Variants in DUSP14 observed in about 807,000 individuals in gnomAD.
The protein encoded by DUSP14 is dual specificity phosphatase 14.
DUSP14 carries 5 observed loss-of-function variants against 13.2 expected under a neutral mutation model. The ratio of observed to expected loss-of-function variants is 0.38; its 90% CI spans 0.20 to 0.80. The LOEUF (loss-of-function observed/expected upper bound fraction) is 0.80. Ranked by LOEUF, DUSP14 falls within the 30% of genes least tolerant of loss-of-function variation. DUSP14 has a pLI of 0.44. For missense variants in DUSP14, 185 were observed against 264.0 expected (o/e 0.70, Z 2.07); for synonymous variants, 91 against 103.4 (o/e 0.88, Z 0.73).
At chr17:37,494,132 C>T (rs2054048106) in intron 1 of DUSP14, among the ~76,000 whole-genome samples, 1 of 151,740 alleles carries the variant, frequency 6.6e-6, no homozygotes, top group African/African-American at 2.4e-5. Context: ...TAGCTGGGAC[C>T]ACAGGTGCCC....
chr17:37,489,822 G>T (rs1177477215), upstream of DUSP14: 1 of 147,124 alleles, frequency 6.8e-6, no homozygotes, highest in Non-Finnish European at 1.5e-5. Flanking sequence ...CAGGCGCAGG[G>T]AGCGTGCGCG....
At position 37,512,405 on chromosome 17, in the gene DUSP14, C is replaced by T. The variant is rs765613978; in HGVS notation, c.133C>T (p.Arg45Trp). The T allele has an allele frequency of 7.4e-6, 12 of 1,614,024 alleles. No homozygotes were observed. The highest frequency in any genetic ancestry group is 2.7e-5 in the African/African-American group (2 of 74,918). ...FLGRGSVASN[R>W]HLLQARGITC... is the part of the protein sequence containing the mutation. ...GGGCAGAGGCAGTGTGGCCTCCAAT[C>T]GGCACCTCCTCCAGGCTCGTGGCAT... The change falls in exon 3 of 3, where the codon CGG (arginine) becomes TGG (tryptophan). Residue 45 changes from arginine to tryptophan, a missense_variant. Transcript: ENST00000617516. This position sits in a 1 kb window ranked among gnomAD's most constrained non-coding sequence, Gnocchi z 4.8.
chr17:37,502,910 G>A (rs1030083183), intron 1 of DUSP14, among the ~76,000 whole-genome samples: 10 of 152,144 alleles, frequency 6.6e-5, no homozygotes, highest in Non-Finnish European at 8.8e-5. Flanking sequence ...TCGTTCTGTC[G>A]CCTAGGTTGG....
At chr17:37,491,126 C>T (rs1163359543) in intron 1 of DUSP14, among the ~76,000 whole-genome samples, 1 of 152,182 alleles carries the variant, frequency 6.6e-6, no homozygotes, top group Non-Finnish European at 1.5e-5. Context: ...TCTCTAAAAC[C>T]AGGGGAACAA....
chr17:37,494,021 T>TCTCA (rs1179251574), intron 1 of DUSP14, among the ~76,000 whole-genome samples: 3 of 146,472 alleles, frequency 2.0e-5, no homozygotes, highest in Non-Finnish European at 4.5e-5. Flanking sequence ...TGAGACAGAG[T>TCTCA]CTCACTCTGT....
At chr17:37,508,749 A>ATG (rs887708375) in intron 1 of DUSP14, among the ~76,000 whole-genome samples, 12 of 148,028 alleles carry the variant, frequency 8.1e-5, no homozygotes, top group African/African-American at 3.0e-4. Flanking sequence ...ATATATATAT[A>ATG]TATGTATGTA....
chr17:37,509,966 A>G (rs1313453938), intron 1 of DUSP14: 2 of 152,210 alleles, frequency 1.3e-5, no homozygotes, highest in Non-Finnish European at 2.9e-5. Flanking sequence ...AGGTGGTAGA[A>G]GAACACATTT....
intron 1 of DUSP14, among the ~76,000 whole-genome samples, chr17:37,492,305 T>C (rs755046363): frequency 6.6e-6 from 1 of 151,726 alleles, no homozygotes; most frequent in Admixed American, 6.6e-5. Context: ...TCAAAGGGAG[T>C]GGAAGACAGG....
At chr17:37,505,886 G>A (rs545246404) in intron 1 of DUSP14, among the ~76,000 whole-genome samples, 1 of 152,236 alleles carries the variant, frequency 6.6e-6, no homozygotes, top group East Asian at 1.9e-4. Context: ...CCGCTGGGAA[G>A]ACACTAATCT....
chr17:37,497,798 C>T (rs958076981), intron 1 of DUSP14, among the ~76,000 whole-genome samples: 1 of 151,488 alleles, frequency 6.6e-6, no homozygotes, highest in Non-Finnish European at 1.5e-5. Flanking sequence ...GCCTACAATC[C>T]CAGCACTTTG....
rs993583159 is a variant in DUSP14 at position 37,496,626 on chromosome 17, C to G, written c.-181+6668C>G. Reference sequence around the variant, plus strand: ...AAAATTAGCCGGGAGTGGTCGTGGGCCCCTGTAATCCCAGCTACTCCAGAG... The same window carrying G: ...AAAATTAGCCGGGAGTGGTCGTGGGGCCCTGTAATCCCAGCTACTCCAGAG... On this transcript the variant is annotated intron_variant, in intron 1 of 2. Coordinates refer to ENST00000617516, the MANE Select transcript of DUSP14 (RefSeq NM_007026.4). 2.0e-5 allele frequency among the ~76,000 whole-genome samples: 3 copies of G among 152,070 alleles called. No homozygotes were observed. The South Asian group carries it at 6.2e-4, about 32-fold the overall frequency.
At chr17:37,496,199 A>G (rs2054063981) in intron 1 of DUSP14, among the ~76,000 whole-genome samples, 1 of 152,254 alleles carries the variant, frequency 6.6e-6, no homozygotes, top group Non-Finnish European at 1.5e-5. Context: ...GCTCCTATAT[A>G]AAGAGCACTG....
At chr17:37,503,393 TC>T (rs2054117619) in intron 1 of DUSP14, among the ~76,000 whole-genome samples, 1 of 152,176 alleles carries the variant, frequency 6.6e-6, no homozygotes, top group Non-Finnish European at 1.5e-5. Context: ...ACCACTGCAC[TC>T]CAGCCTGGGC....
At chr17:37,491,607 T>A (rs755975704) in intron 1 of DUSP14, 14 of 152,216 alleles carry the variant, frequency 9.2e-5, no homozygotes, top group Admixed American at 5.2e-4. Context: ...ATCTGAAAGC[T>A]TTCATATCGG....
chr17:37,509,221 ATATATACACAC>A (rs2054161911), intron 1 of DUSP14, among the ~76,000 whole-genome samples: 1 of 106,398 alleles, frequency 9.4e-6, no homozygotes, highest in Non-Finnish European at 2.0e-5. Flanking sequence ...TATATACACT[ATATATACACAC>A]TATATACACA....
intron 1 of DUSP14, among the ~76,000 whole-genome samples, chr17:37,490,676 C>G (rs1382972321): frequency 6.6e-6 from 1 of 151,658 alleles, no homozygotes; most frequent in Admixed American, 6.6e-5. Flanking sequence ...GAGCGACTTA[C>G]AAATGCAGTT....
chr17:37,502,285 A>C (rs531726787), intron 1 of DUSP14, among the ~76,000 whole-genome samples: 41 of 152,016 alleles, frequency 2.7e-4, no homozygotes, highest in South Asian at 1.9e-3. Context: ...GGACTCAAGC[A>C]ATCCTTCTGC....
Position 37,512,577 on chromosome 17 carries a change from G to A in DUSP14, c.305G>A (p.Arg102Lys). The change falls in exon 3 of 3, where the codon AGG becomes AAG. Residue 102 changes from arginine (R) to lysine (K), a missense_variant. Physicochemically the swap from Arg to Lys is conservative, Grantham distance 26. Coordinates refer to ENST00000617516, the MANE Select transcript of DUSP14 (RefSeq NM_007026.4). The surrounding 1 kb of genome is among the most constrained non-coding windows in gnomAD (Gnocchi z 4.8). ...GCTGACAAGATCCACAGTGTGAGCA[G>A]GAAGCACGGGGCCACCTTGGTGCAC... is the stretch of plus-strand genomic sequence containing the variant. ...TVADKIHSVS[R>K]KHGATLVHCA... is the part of the protein sequence containing the mutation. 6.2e-7 allele frequency: 1 copy of A among 1,614,174 alleles called. No individual in the cohort carries two copies. Among genetic ancestry groups the A allele is most frequent in the Middle Eastern group, 1.6e-4 (1 of 6,062 alleles).
At chr17:37,507,778 T>C (rs888531791) in intron 1 of DUSP14, among the ~76,000 whole-genome samples, 1 of 152,140 alleles carries the variant, frequency 6.6e-6, no homozygotes, top group Non-Finnish European at 1.5e-5. Context: ...GATAACCTAC[T>C]TGGAAATTTG....
Sources: gnomAD v4.1 joint callset for allele counts (sites outside exome capture counted in the v4.1 genomes callset) on GRCh38, gnomAD v4.1.1 for gene constraint, Gnocchi (gnomAD v3.1) non-coding constraint, MANE v1.5 for transcripts, NCBI Gene and HGNC (gene_info 2026-07-23, HGNC 2026-07-21) for gene names.